The following OR6M1 variants were observed in gnomAD, a reference collection of about 807,000 sequenced individuals.
OR6M1 encodes the protein olfactory receptor 6M1.
For missense variants in OR6M1, 364 were observed against 377.8 expected (o/e 0.96, Z 0.30); for synonymous variants, 167 against 146.3 (o/e 1.14, Z -1.02).
At position 123,805,728 on chromosome 11, in the gene OR6M1, G is replaced by A. The variant is rs1862381327; in HGVS notation, c.622C>T (p.Leu208=). 1.9e-6 allele frequency: 3 copies of A among 1,614,022 alleles called. No homozygotes were observed. Among genetic ancestry groups the A allele is most frequent in the African/African-American group, 1.3e-5 (1 of 75,032 alleles). Residue 208 remains leucine, a synonymous_variant, in exon 1 of 1, where the codon CTG becomes TTG. Coordinates refer to ENST00000309154, the MANE Select transcript of OR6M1 (RefSeq NM_001005325.1). ...ACGTAGGACCCAGTAGTGAATGCCA[G>A]GGAGCTCAGGATGACAAGGGCAGAG... ...LLSALVILSS[L]AFTTGSYVYI...
In OR6M1 at chr11:123,805,771, C is replaced by T. The variant is rs754286340; in HGVS notation, c.579G>A (p.Glu193=). The T allele has an allele frequency of 1.9e-6, 3 of 1,613,988 alleles. No individual in the cohort carries two copies. Among genetic ancestry groups the T allele is most frequent in the South Asian group, 2.2e-5 (2 of 91,070 alleles). Reference sequence around the variant, plus strand: ...GGGCAGAGAGGAGAAAGTTTATCTTCTCAATGAGGTGAGTATTTATACAGG... The same window carrying T: ...GGGCAGAGAGGAGAAAGTTTATCTTTTCAATGAGGTGAGTATTTATACAGG... ...QVACINTHLI[E]KINFLLSALV... Residue 193 remains glutamate, a synonymous_variant, in exon 1 of 1, where the codon GAG becomes GAA. Coordinates refer to ENST00000309154, the MANE Select transcript of OR6M1 (RefSeq NM_001005325.1).
chr11:123,806,121 G>C lies in OR6M1; in HGVS notation c.229C>G (p.Pro77Ala), dbSNP rs142807282. ...LDILYTTVIT[P>A]KLLACLLGEE... Reference sequence around the variant, plus strand: ...CCTAGGAGGCAGGCCAACAACTTTGGGGTAATGACAGTGGTGTATAAGATA... The same window carrying C: ...CCTAGGAGGCAGGCCAACAACTTTGCGGTAATGACAGTGGTGTATAAGATA... The change falls in exon 1 of 1, where the codon CCA becomes GCA. Residue 77 changes from proline (P) to alanine (A), a missense_variant. Pro to Ala is a conservative substitution (Grantham distance 27). Transcript: ENST00000309154. 2.2e-4 allele frequency: 363 copies of C among 1,614,092 alleles called. No individual in the cohort carries two copies. The highest frequency in any genetic ancestry group is 2.8e-4 in the Non-Finnish European group (334 of 1,179,986).
In OR6M1 at chr11:123,805,675, G is replaced by A; in HGVS notation, c.675C>T (p.Ile225=). 6.2e-7 allele frequency: 1 copy of A among 1,614,026 alleles called. No individual in the cohort carries two copies. The highest frequency in any genetic ancestry group is 8.5e-7 in the Non-Finnish European group (1 of 1,179,972). Residue 225 remains isoleucine, a synonymous_variant, in exon 1 of 1, where the codon ATC becomes ATT. Coordinates refer to ENST00000309154, the MANE Select transcript of OR6M1 (RefSeq NM_001005325.1). ...YVYIISTILR[I]PSTQGRQKAF... is the part of the protein sequence containing the mutation. ...CTTTCTGACGGCCCTGGGTGGAGGGGATACGCAGGATGGTAGAAATTATGT... is the reference window on the plus strand; with the variant it reads ...CTTTCTGACGGCCCTGGGTGGAGGGAATACGCAGGATGGTAGAAATTATGT...
Position 123,806,292 on chromosome 11 carries a change from C to T in OR6M1, c.58G>A (p.Glu20Lys), listed in dbSNP as rs1275251039. Residue 20 changes from glutamate (E) to lysine (K), a missense_variant, in exon 1 of 1, where the codon GAG (glutamate) becomes AAG (lysine). Physicochemically the swap from Glu to Lys is moderately conservative, Grantham distance 56 (BLOSUM62 1). Transcript: ENST00000309154. ...ITLIAFPALL[E>K]IRISLFVVLV... ...ACCACGAAGAGAGATATTCGAATCT[C>T]CAGGAGAGCTGGGAAGGCAATTAGG... is the stretch of plus-strand genomic sequence containing the variant. 4 of 1,613,556 alleles carry T rather than the reference C, an allele frequency of 2.5e-6. No homozygotes were observed. Among genetic ancestry groups the T allele is most frequent in the Admixed American group, 1.7e-5 (1 of 59,968 alleles).
At position 123,805,727 on chromosome 11, in the gene OR6M1, A is replaced by G. The variant is rs1192994990; in HGVS notation, c.623T>C (p.Leu208Pro). The G allele has an allele frequency of 1.9e-6, 3 of 1,614,032 alleles. No homozygotes were observed. The highest frequency in any genetic ancestry group is 2.5e-6 in the Non-Finnish European group (3 of 1,179,972). The stretch of plus-strand genomic sequence containing the variant: ...CACGTAGGACCCAGTAGTGAATGCC[A>G]GGGAGCTCAGGATGACAAGGGCAGA... ...LLSALVILSS[L>P]AFTTGSYVYI... The change falls in exon 1 of 1, where the codon CTG becomes CCG. Residue 208 changes from leucine to proline, a missense_variant. Leu to Pro is a moderately conservative substitution (Grantham distance 98). Coordinates refer to ENST00000309154, the MANE Select transcript of OR6M1 (RefSeq NM_001005325.1).
Position 123,806,236 on chromosome 11 carries a change from T to C in OR6M1, c.114A>G (p.Thr38=). 4 of 1,614,006 alleles carry C rather than the reference T, an allele frequency of 2.5e-6. No homozygotes were observed. Among genetic ancestry groups the C allele is most frequent in the Non-Finnish European group, 3.4e-6 (4 of 1,179,914 alleles). ...TCAGGGAGATGATGGTGATGTTTCC[T>C]GTTGCTGTTAATGTGTAAGTTACCA... ...VLVVTYTLTA[T]GNITIISLIW... Residue 38 remains threonine (T), a synonymous_variant, in exon 1 of 1, where the codon ACA becomes ACG. Transcript: ENST00000309154.
Position 123,805,938 on chromosome 11 carries a change from C to T in OR6M1, c.412G>A (p.Ala138Thr). Residue 138 changes from alanine to threonine, a missense_variant, in exon 1 of 1, where the codon GCC becomes ACC. Ala to Thr is a moderately conservative substitution (Grantham distance 58). Transcript: ENST00000309154. ...LHYTVIMNSR[A>T]CLLLVLGCWV... Reference sequence around the variant, plus strand: ...CATCCCAGAACCAGCAGAAGGCAGGCCCTGCTGTTCATGATGACCGTGTAG... The same window carrying T: ...CATCCCAGAACCAGCAGAAGGCAGGTCCTGCTGTTCATGATGACCGTGTAG... 6.2e-7 allele frequency: 1 copy of T among 1,613,556 alleles called. No individual in the cohort carries two copies. Among genetic ancestry groups the T allele is most frequent in the Non-Finnish European group, 8.5e-7 (1 of 1,179,734 alleles).
Position 123,805,983 on chromosome 11 carries a change from C to G in OR6M1, c.367G>C (p.Ala123Pro). The part of the protein sequence containing the change: ...LAVMSFDRYM[A>P]ICDPLHYTVI... ...GTGTAGTGCAGTGGGTCGCAGATAG[C>G]CATGTAGCGGTCAAAGGACATCACC... The change falls in exon 1 of 1, where the codon GCT becomes CCT. Residue 123 changes from alanine to proline, a missense_variant. By Grantham distance (27) the Ala-to-Pro change is conservative. Transcript: ENST00000309154. 1 of 1,613,840 alleles carries G rather than the reference C, an allele frequency of 6.2e-7. No homozygotes were observed. The highest frequency in any genetic ancestry group is 8.5e-7 in the Non-Finnish European group (1 of 1,179,918).
chr11:123,806,009 G>T lies in OR6M1; in HGVS notation c.341C>A (p.Ala114Glu). The T allele has an allele frequency of 6.2e-7, 1 of 1,613,866 alleles. No individual in the cohort carries two copies. Among genetic ancestry groups the T allele is most frequent in the Non-Finnish European group, 8.5e-7 (1 of 1,179,940 alleles). The change falls in exon 1 of 1, where the codon GCG becomes GAG. Residue 114 changes from alanine to glutamate, a missense_variant. Transcript: ENST00000309154. ...FLGTVEFILL[A>E]VMSFDRYMAI... ...CATGTAGCGGTCAAAGGACATCACC[G>T]CCAAGAGGATAAACTCCACCGTCCC... is the stretch of plus-strand genomic sequence containing the variant.
At position 123,805,711 on chromosome 11, in the gene OR6M1, C is replaced by T; in HGVS notation, c.639G>A (p.Gly213=). ...TGGTAGAAATTATGTACACGTAGGA[C>T]CCAGTAGTGAATGCCAGGGAGCTCA... is the stretch of plus-strand genomic sequence containing the variant. ...VILSSLAFTT[G]SYVYIISTIL... is the part of the protein sequence containing the mutation. Residue 213 remains glycine, a synonymous_variant, in exon 1 of 1, where the codon GGG becomes GGA. Transcript: ENST00000309154. The T allele has an allele frequency of 6.2e-7, 1 of 1,613,914 alleles. No homozygotes were observed. The highest frequency in any genetic ancestry group is 8.5e-7 in the Non-Finnish European group (1 of 1,179,960).
Position 123,806,029 on chromosome 11 carries a change from C to G in OR6M1, c.321G>C (p.Thr107=). ...TCACCGCCAAGAGGATAAACTCCACCGTCCCCAGAAAGAAGTAGAAATATG... is the reference window on the plus strand; with the variant it reads ...TCACCGCCAAGAGGATAAACTCCACGGTCCCCAGAAAGAAGTAGAAATATG... ...IQTYFYFFLG[T]VEFILLAVMS... The change falls in exon 1 of 1, where the codon ACG becomes ACC. Residue 107 remains threonine (T), a synonymous_variant. Coordinates refer to ENST00000309154, the MANE Select transcript of OR6M1 (RefSeq NM_001005325.1). 6.2e-7 allele frequency: 1 copy of G among 1,613,986 alleles called. No individual in the cohort carries two copies. The highest frequency in any genetic ancestry group is 8.5e-7 in the Non-Finnish European group (1 of 1,179,988).
Position 123,805,967 on chromosome 11 carries a change from A to G in OR6M1, c.383T>C (p.Leu128Pro), listed in dbSNP as rs1862385069. Residue 128 changes from leucine to proline, a missense_variant, in exon 1 of 1, where the codon CTG becomes CCG. By Grantham distance (98) the Leu-to-Pro change is moderately conservative. Coordinates refer to ENST00000309154, the MANE Select transcript of OR6M1 (RefSeq NM_001005325.1). ...FDRYMAICDPLHYTVIMNSRA... is the reference protein window; with the variant it reads ...FDRYMAICDPPHYTVIMNSRA... ...GCTGTTCATGATGACCGTGTAGTGC[A>G]GTGGGTCGCAGATAGCCATGTAGCG... is the stretch of plus-strand genomic sequence containing the variant. The G allele has an allele frequency of 6.2e-7, 1 of 1,613,830 alleles. No homozygotes were observed. The highest frequency in any genetic ancestry group is 2.2e-5 in the East Asian group (1 of 44,856).
rs758825682 is a variant in OR6M1 at position 123,806,285 on chromosome 11, C to A, written c.65G>T (p.Arg22Leu). The A allele has an allele frequency of 2.5e-6, 4 of 1,613,790 alleles. No individual in the cohort carries two copies. The Admixed American group carries it at 5.0e-5, about 20-fold the overall frequency. The change falls in exon 1 of 1, where the codon CGA becomes CTA. Residue 22 changes from arginine (R) to leucine (L), a missense_variant. Transcript: ENST00000309154. ...LIAFPALLEI[R>L]ISLFVVLVVT... ...CACAAGAACCACGAAGAGAGATATT[C>A]GAATCTCCAGGAGAGCTGGGAAGGC...
rs761814657 is a variant in OR6M1, at chr11:123,806,105, C to A, written c.245G>T (p.Cys82Phe). The A allele has an allele frequency of 1.2e-5, 20 of 1,614,088 alleles. No individual in the cohort carries two copies. The highest frequency in any genetic ancestry group is 1.7e-5 in the Non-Finnish European group (20 of 1,180,006). The change falls in exon 1 of 1, where the codon TGC (cysteine) becomes TTC (phenylalanine). Residue 82 changes from cysteine to phenylalanine, a missense_variant. Physicochemically the swap from Cys to Phe is radical, Grantham distance 205. Coordinates refer to ENST00000309154, the MANE Select transcript of OR6M1 (RefSeq NM_001005325.1). ...TATGGTTTTCTCTTCTCCTAGGAGGCAGGCCAACAACTTTGGGGTAATGAC... is the reference window on the plus strand; with the variant it reads ...TATGGTTTTCTCTTCTCCTAGGAGGAAGGCCAACAACTTTGGGGTAATGAC... ...TTVITPKLLACLLGEEKTISF... is the reference protein window; with the variant it reads ...TTVITPKLLAFLLGEEKTISF...
In OR6M1 at chr11:123,805,508, A is replaced by G. The variant is rs1418757838; in HGVS notation, c.842T>C (p.Leu281Pro). 2 of 1,613,878 alleles carry G rather than the reference A, an allele frequency of 1.2e-6. No homozygotes were observed. The highest frequency in any genetic ancestry group is 1.6e-4 in the Middle Eastern group (1 of 6,080). The change falls in exon 1 of 1, where the codon CTC becomes CCC. Residue 281 changes from leucine to proline, a missense_variant. By Grantham distance (98) the Leu-to-Pro change is moderately conservative (BLOSUM62 -3). Transcript: ENST00000309154. The part of the protein sequence containing the change: ...AAVLITVVTP[L>P]LNPFIYSLRN... ...CAAGCTGTAGATAAAAGGGTTCAGG[A>G]GAGGGGTCACCACTGTGATGAGGAC...
Position 123,806,298 on chromosome 11 carries a change from G to C in OR6M1, c.52C>G (p.Leu18Val), listed in dbSNP as rs1368346618. ...AAGAGAGATATTCGAATCTCCAGGA[G>C]AGCTGGGAAGGCAATTAGGGTGATT... The part of the protein sequence containing the change: ...TEITLIAFPA[L>V]LEIRISLFVV... The change falls in exon 1 of 1, where the codon CTC (leucine) becomes GTC (valine). Residue 18 changes from leucine to valine, a missense_variant. Physicochemically the swap from Leu to Val is conservative, Grantham distance 32. Transcript: ENST00000309154. 1 of 1,613,506 alleles carries C rather than the reference G, an allele frequency of 6.2e-7. No individual in the cohort carries two copies.
chr11:123,806,229 T>C lies in OR6M1; in HGVS notation c.121A>G (p.Ile41Val), dbSNP rs1217078683. 5.0e-6 allele frequency: 8 copies of C among 1,614,022 alleles called. No individual in the cohort carries two copies. Among genetic ancestry groups the C allele is most frequent in the Non-Finnish European group, 6.8e-6 (8 of 1,179,914 alleles). ...VTYTLTATGN[I>V]TIISLIWIDH... ...ATCCATATCAGGGAGATGATGGTGA[T>C]GTTTCCTGTTGCTGTTAATGTGTAA... The change falls in exon 1 of 1, where the codon ATC (isoleucine) becomes GTC (valine). Residue 41 changes from isoleucine (I) to valine (V), a missense_variant. Transcript: ENST00000309154.
In OR6M1 at chr11:123,805,499, G is replaced by C. The variant is rs1357953312; in HGVS notation, c.851C>G (p.Pro284Arg). ...CTCATTCCTCAAGCTGTAGATAAAA[G>C]GGTTCAGGAGAGGGGTCACCACTGT... ...LITVVTPLLN[P>R]FIYSLRNEKV... The change falls in exon 1 of 1, where the codon CCT becomes CGT. Residue 284 changes from proline to arginine, a missense_variant. Transcript: ENST00000309154. The C allele has an allele frequency of 6.2e-7, 1 of 1,613,862 alleles. No homozygotes were observed. Among genetic ancestry groups the C allele is most frequent in the Non-Finnish European group, 8.5e-7 (1 of 1,179,932 alleles).
At position 123,805,833 on chromosome 11, in the gene OR6M1, G is replaced by T. The variant is rs771708736; in HGVS notation, c.517C>A (p.His173Asn). 6.8e-6 allele frequency: 11 copies of T among 1,613,842 alleles called. No homozygotes were observed. Among genetic ancestry groups the T allele is most frequent in the Non-Finnish European group, 9.3e-6 (11 of 1,179,836 alleles). Residue 173 changes from histidine to asparagine, a missense_variant, in exon 1 of 1, where the codon CAT becomes AAT. Transcript: ENST00000309154. ...RLPYCRKEIN[H>N]FFCDIAPLLQ... The stretch of plus-strand genomic sequence containing the variant: ...AGAGGGGCAATGTCACAGAAGAAAT[G>T]ATTAATTTCTTTCCTACAGTAAGGT...
Sources: allele counts gnomAD v4.1 joint callset, GRCh38; gene constraint gnomAD v4.1.1; transcripts MANE v1.5; gene names NCBI Gene and HGNC (gene_info 2026-07-23, HGNC 2026-07-21).